Variants in TFDP2 observed in about 807,000 individuals in gnomAD.
The protein encoded by TFDP2 is transcription factor Dp-2, also known as transcription factor Dp-2 (E2F dimerization partner 2).
Under a neutral mutation model 59.3 loss-of-function variants are expected in TFDP2, and 17 were observed. That is an observed-to-expected ratio of 0.29 (90% CI 0.20 to 0.43). The LOEUF is 0.43. Ranked by LOEUF, TFDP2 falls within the 20% of genes least tolerant of loss-of-function variation. TFDP2 has a pLI of 1.00. For missense variants in TFDP2, 391 were observed against 528.8 expected, an observed-to-expected ratio of 0.74 and a Z score of 2.56; for synonymous variants, 180 against 194.7, an observed-to-expected ratio of 0.92 and a Z score of 0.63.
chr3:142,105,364 C>T (rs2061438343), intron 1 of TFDP2, among the ~76,000 whole-genome samples: 1 of 152,164 alleles, frequency 6.6e-6, no homozygotes. Flanking sequence ...CTCAGATGGG[C>T]TAACCATATC....
At chr3:141,984,072 A>G (rs927061141) in intron 6 of TFDP2, among the ~76,000 whole-genome samples, 4 of 67,522 alleles carry the variant, frequency 5.9e-5, no homozygotes, top group Non-Finnish European at 1.3e-4. Context: ...CTGCCCACCA[A>G]TGAATGGATA....
At chr3:142,094,052 A>T in intron 2 of TFDP2, 2 of 398,014 alleles carry the variant, frequency 5.0e-6, no homozygotes, top group South Asian at 4.1e-5. Context: ...CCACTACACT[A>T]CTTGGCATCA....
intron 11 of TFDP2, among the ~76,000 whole-genome samples, 155 bp downstream of exon 11, chr3:141,959,518 AT>A (rs1362015724): frequency 1.3e-5 from 2 of 152,234 alleles, no homozygotes; most frequent in African/African-American, 4.8e-5. Flanking sequence ...ATTTAATCTA[AT>A]TTTTGAAAAA....
At chr3:142,104,563 T>A (rs1207128840) in intron 1 of TFDP2, among the ~76,000 whole-genome samples, 1 of 152,102 alleles carries the variant, frequency 6.6e-6, no homozygotes, top group East Asian at 1.9e-4. Flanking sequence ...AAATTAGGAA[T>A]CAACTATTTT....
chr3:142,005,401 TA>T, intron 4 of TFDP2, 39 bp downstream of exon 4: 2 of 1,474,628 alleles, frequency 1.4e-6, no homozygotes, highest in East Asian at 4.6e-5. Flanking sequence ...TAGTCTTGGC[TA>T]AACAAAGTTT....
At chr3:142,105,410 A>G (rs1398121537) in intron 1 of TFDP2, among the ~76,000 whole-genome samples, 1 of 152,164 alleles carries the variant, frequency 6.6e-6, no homozygotes, top group African/African-American at 2.4e-5. Context: ...AAATATAAGC[A>G]GACATTGTTG....
chr3:142,124,404 T>C (rs2062160120), intron 1 of TFDP2, among the ~76,000 whole-genome samples: 1 of 152,072 alleles, frequency 6.6e-6, no homozygotes, highest in Non-Finnish European at 1.5e-5. Context: ...AACAGAAAAG[T>C]ATAGGAAAAG....
intron 3 of TFDP2, among the ~76,000 whole-genome samples, chr3:142,016,488 A>G (rs1945145627): frequency 6.6e-6 from 1 of 151,396 alleles, no homozygotes. Context: ...TTTAGTAGAG[A>G]TGGGGTTTTG....
At chr3:142,110,379 C>T (rs923893882) in intron 1 of TFDP2, among the ~76,000 whole-genome samples, 10 of 152,134 alleles carry the variant, frequency 6.6e-5, no homozygotes, top group Admixed American at 4.6e-4. Context: ...CGGCAAGCGC[C>T]TATAATCCCA....
At chr3:142,025,930 C>A (rs577801607) in intron 3 of TFDP2, among the ~76,000 whole-genome samples, 53 of 152,300 alleles carry the variant, frequency 3.5e-4, no homozygotes, top group Non-Finnish European at 2.6e-4. Flanking sequence ...CACCATTGCA[C>A]TCCAGCCTGG....
At chr3:142,075,550 A>G (rs1449324022) in intron 3 of TFDP2, among the ~76,000 whole-genome samples, 1 of 152,062 alleles carries the variant, frequency 6.6e-6, no homozygotes, top group Non-Finnish European at 1.5e-5. Context: ...TGGCTAAACA[A>G]GTACAACTCT....
intron 7 of TFDP2, among the ~76,000 whole-genome samples, 200 bp downstream of exon 7, chr3:141,978,320 G>C (rs553024052): frequency 6.6e-6 from 1 of 150,712 alleles, no homozygotes; most frequent in East Asian, 2.0e-4. Flanking sequence ...ACTCCAGCCT[G>C]GGCGACAGAG....
At chr3:141,968,178 C>T (rs1267718951) in intron 9 of TFDP2, among the ~76,000 whole-genome samples, 2 of 134,644 alleles carry the variant, frequency 1.5e-5, no homozygotes, top group Non-Finnish European at 3.1e-5. Flanking sequence ...TAGGAATAAA[C>T]TGTCAGTTTC....
chr3:142,142,857 C>A (rs1011264827), intron 1 of TFDP2, among the ~76,000 whole-genome samples: 9 of 152,322 alleles, frequency 5.9e-5, no homozygotes, highest in African/African-American at 1.9e-4. Context: ...GGGGAAAAGA[C>A]AGTCTCTTCA....
At chr3:142,087,937 C>T (rs2060858348) in intron 3 of TFDP2, among the ~76,000 whole-genome samples, 1 of 152,212 alleles carries the variant, frequency 6.6e-6, no homozygotes, top group African/African-American at 2.4e-5. Context: ...TCAGTGCATT[C>T]TTCTCTGACC....
intron 1 of TFDP2, among the ~76,000 whole-genome samples, chr3:142,127,970 G>A (rs2062332442): frequency 6.6e-6 from 1 of 152,036 alleles, no homozygotes; most frequent in Non-Finnish European, 1.5e-5. Context: ...GGAAGCCAAA[G>A]TGGAAGGAAT....
At chr3:142,074,240 C>A (rs1356625848) in intron 3 of TFDP2, among the ~76,000 whole-genome samples, 1 of 151,596 alleles carries the variant, frequency 6.6e-6, no homozygotes, top group African/African-American at 2.4e-5. Flanking sequence ...AAAACCCTGT[C>A]TCTACTGAAA....
At chr3:142,123,952 C>G (rs1223660299) in intron 1 of TFDP2, among the ~76,000 whole-genome samples, 1 of 152,036 alleles carries the variant, frequency 6.6e-6, no homozygotes, top group Non-Finnish European at 1.5e-5. Context: ...TTAATCCCCC[C>G]AAATTAGCAG....
intron 7 of TFDP2, among the ~76,000 whole-genome samples, chr3:141,976,599 G>A (rs1201781653): frequency 6.6e-6 from 1 of 152,192 alleles, no homozygotes; most frequent in African/African-American, 2.4e-5. Context: ...GCAAAGCAGT[G>A]TAATGGCCTG....
Sources: allele counts gnomAD v4.1 joint callset (sites outside exome capture counted in the v4.1 genomes callset), GRCh38; gene constraint gnomAD v4.1.1; transcripts MANE v1.5; gene names NCBI Gene and HGNC (gene_info 2026-07-23, HGNC 2026-07-21).